Variants in VIRMA observed in about 807,000 individuals in gnomAD.
VIRMA encodes protein virilizer homolog.
VIRMA carries 65 observed loss-of-function variants against 182.4 expected under a neutral mutation model. The observed-to-expected ratio is 0.36, with a 90% confidence interval of 0.29 to 0.44. The LOEUF is 0.44. Ranked by LOEUF, VIRMA falls within the 20% of genes least tolerant of loss-of-function variation. VIRMA has a pLI of 1.00. For synonymous variants in VIRMA, 709 were observed against 743.1 expected, an observed-to-expected ratio of 0.95 and a Z score of 0.75; for missense variants, 1,752 against 2,158.1, an observed-to-expected ratio of 0.81 and a Z score of 3.73.
At chr8:94,540,538 C>T (rs1042829469) in intron 2 of VIRMA, among the ~76,000 whole-genome samples, 2 of 148,224 alleles carry the variant, frequency 1.3e-5, no homozygotes, top group African/African-American at 5.0e-5. Flanking sequence ...GATCTCAGCT[C>T]ACCACAACCT....
At chr8:94,494,202 C>G (rs1257462666) in intron 20 of VIRMA, among the ~76,000 whole-genome samples, 1 of 152,172 alleles carries the variant, frequency 6.6e-6, no homozygotes, top group Admixed American at 6.6e-5. Flanking sequence ...CGCCTGTAAT[C>G]CCATCGCTTT....
At position 94,529,271 on chromosome 8, in the gene VIRMA, A is replaced by C; in HGVS notation, c.679T>G (p.Ser227Ala). ...GAATATTGCCCTTCCTGGGGAACAGAATTCCGATCAGGAGAAATGGGCTCA... is the reference window on the plus strand; with the variant it reads ...GAATATTGCCCTTCCTGGGGAACAGCATTCCGATCAGGAGAAATGGGCTCA... Reference protein sequence around the residue: ...YFEPISPDRNSVPQEGQYSDE... With the variant: ...YFEPISPDRNAVPQEGQYSDE... The change falls in exon 7 of 24, where the codon TCT (serine) becomes GCT (alanine). Residue 227 changes from serine to alanine, a missense_variant. Coordinates refer to ENST00000297591, the MANE Select transcript of VIRMA (RefSeq NM_015496.5). 6.2e-7 allele frequency: 1 copy of C among 1,612,902 alleles called. No individual in the cohort carries two copies. Among genetic ancestry groups the C allele is most frequent in the Non-Finnish European group, 8.5e-7 (1 of 1,178,928 alleles).
At chr8:94,530,384 C>A (rs1013375112) in intron 6 of VIRMA, among the ~76,000 whole-genome samples, 5 of 151,534 alleles carry the variant, frequency 3.3e-5, no homozygotes, top group Non-Finnish European at 7.4e-5. Context: ...GTGGTCCTAG[C>A]CACTGGGGAG....
chr8:94,503,727 G>A (rs1814066765), intron 16 of VIRMA, among the ~76,000 whole-genome samples: 1 of 152,070 alleles, frequency 6.6e-6, no homozygotes. Context: ...GGTGGGTGAA[G>A]GGCACACCTG....
chr8:94,509,445 G>A (rs1814279563), intron 15 of VIRMA, among the ~76,000 whole-genome samples: 1 of 151,730 alleles, frequency 6.6e-6, no homozygotes, highest in African/African-American at 2.4e-5. Context: ...TAATTGGAAG[G>A]AAAATGAATT....
chr8:94,511,916 ATAAT>A, intron 12 of VIRMA, 76 bp downstream of exon 12: 1 of 787,206 alleles, frequency 1.3e-6, no homozygotes, highest in Non-Finnish European at 1.8e-6. Flanking sequence ...ATGATGTTTA[ATAAT>A]TAACTAAATA....
At chr8:94,513,007 GT>G (rs1434917676) in intron 11 of VIRMA, among the ~76,000 whole-genome samples, 5 of 152,290 alleles carry the variant, frequency 3.3e-5, no homozygotes, top group African/African-American at 1.2e-4. Context: ...TTATGTTTCA[GT>G]TTTCTTAGCT....
chr8:94,516,960 A>C (rs1386052405), intron 10 of VIRMA, among the ~76,000 whole-genome samples: 1 of 152,248 alleles, frequency 6.6e-6, no homozygotes, highest in Non-Finnish European at 1.5e-5. Flanking sequence ...AAAATAAAAT[A>C]ATTTAAAACT....
rs1299292309 is a variant in VIRMA, at chr8:94,511,999, C to T, written c.2842G>A (p.Glu948Lys). 1 of 1,518,720 alleles carries T rather than the reference C, an allele frequency of 6.6e-7. No individual in the cohort carries two copies. Among genetic ancestry groups the T allele is most frequent in the East Asian group, 2.5e-5 (1 of 39,678 alleles). 94.1% of individuals were successfully genotyped at this position (1,518,720 alleles called of 1,614,324 possible). A position where few individuals can be genotyped will look rare whatever the true frequency, so the allele number is the denominator to read the frequency against. The change falls in exon 12 of 24, where the codon GAA (glutamate) becomes AAA (lysine). Residue 948 changes from glutamate (E) to lysine (K), a missense_variant. Glu to Lys is a moderately conservative substitution (Grantham distance 56). Coordinates refer to ENST00000297591, the MANE Select transcript of VIRMA (RefSeq NM_015496.5). ...CNVACPPPPV[E>K]GQQKDLKWNL... ...TAAAATACAGTAGCCACATTACCTTCAACAGGAGGTGGTGGGCATGCAACA... is the reference window on the plus strand; with the variant it reads ...TAAAATACAGTAGCCACATTACCTTTAACAGGAGGTGGTGGGCATGCAACA...
chr8:94,493,882 A>G (rs991227100), intron 20 of VIRMA, among the ~76,000 whole-genome samples: 1 of 152,238 alleles, frequency 6.6e-6, no homozygotes, highest in Non-Finnish European at 1.5e-5. Context: ...AGCATAGAAC[A>G]GACTGCAATA....
At chr8:94,543,992 A>T in intron 1 of VIRMA, 50 bp from the exon 2 acceptor site, 1 of 896,588 alleles carries the variant, frequency 1.1e-6, no homozygotes, top group Non-Finnish European at 1.8e-6. Context: ...CATTATGTAA[A>T]ACAGTTTCTC....
chr8:94,507,885 G>GTATATAGGTA (rs1814216080), intron 15 of VIRMA, among the ~76,000 whole-genome samples: 1 of 131,314 alleles, frequency 7.6e-6, no homozygotes. Context: ...ATATATACAT[G>GTATATAGGTA]TATATATGTA....
At position 94,526,436 on chromosome 8, in the gene VIRMA, T is replaced by C; in HGVS notation, c.1808A>G (p.Asn603Ser). Residue 603 changes from asparagine (N) to serine (S), a missense_variant, in exon 8 of 24, where the codon AAT (asparagine) becomes AGT (serine). By Grantham distance (46) the Asn-to-Ser change is conservative. Transcript: ENST00000297591. ...GLERTNPEYE[N>S]EVEASMDMDL... ...CATATCCATAGAAGCTTCCACCTCA[T>C]TTTCATATTCTGGGTTTGTTCTCTC... The C allele has an allele frequency of 1.2e-6, 2 of 1,613,922 alleles. No homozygotes were observed. The highest frequency in any genetic ancestry group is 1.7e-6 in the Non-Finnish European group (2 of 1,179,976).
chr8:94,515,886 G>A (rs771355342), intron 10 of VIRMA, among the ~76,000 whole-genome samples: 8 of 151,402 alleles, frequency 5.3e-5, no homozygotes, highest in South Asian at 2.1e-4. Flanking sequence ...TCACGAGATC[G>A]ACAGATGGAG....
chr8:94,513,706 C>T (rs1020114368), intron 11 of VIRMA, among the ~76,000 whole-genome samples: 43 of 152,286 alleles, frequency 2.8e-4, no homozygotes, highest in Admixed American at 1.6e-3. Context: ...CTCAAACCAT[C>T]GCCATTTATT....
At chr8:94,515,854 T>C (rs1204606032) in intron 10 of VIRMA, among the ~76,000 whole-genome samples, 1 of 151,718 alleles carries the variant, frequency 6.6e-6, no homozygotes, top group African/African-American at 2.4e-5. Context: ...TACCAGCACT[T>C]TGGGAGGCTG....
chr8:94,542,122 T>C (rs530861440), intron 2 of VIRMA, among the ~76,000 whole-genome samples: 18 of 152,334 alleles, frequency 1.2e-4, no homozygotes, highest in African/African-American at 4.1e-4. Flanking sequence ...TCACACCCTA[T>C]GTGGTAAGGT....
chr8:94,513,425 CAAAAAA>C (rs34173786), intron 11 of VIRMA, among the ~76,000 whole-genome samples: 6 of 115,026 alleles, frequency 5.2e-5, no homozygotes, highest in Admixed American at 1.8e-4. Flanking sequence ...GAGTCTAGAC[CAAAAAA>C]AAAAAAAAAA....
chr8:94,500,948 T>A (rs953051378), intron 16 of VIRMA, among the ~76,000 whole-genome samples: 1 of 151,950 alleles, frequency 6.6e-6, no homozygotes, highest in Non-Finnish European at 1.5e-5. Flanking sequence ...TATAATTTTT[T>A]AAAAAATCAA....
Sources: gnomAD v4.1 joint callset for allele counts (sites outside exome capture counted in the v4.1 genomes callset) on GRCh38, gnomAD v4.1.1 for gene constraint, MANE v1.5 for transcripts, NCBI Gene and HGNC (gene_info 2026-07-23, HGNC 2026-07-21) for gene names.